The following GFM2 variants were observed in gnomAD, a reference collection of about 807,000 sequenced individuals.
GFM2 encodes the protein ribosome-releasing factor 2, mitochondrial.
GFM2 carries 72 observed loss-of-function variants against 95.4 expected under a neutral mutation model. The observed-to-expected ratio is 0.76, with a 90% CI of 0.62 to 0.92. The LOEUF is 0.92. Among genes scored for constraint, GFM2 ranks in the 40% least tolerant of loss-of-function variants. The pLI is 0.00. For synonymous variants in GFM2, 276 were observed against 317.5 expected, an observed-to-expected ratio of 0.87 and a Z score of 1.39; for missense variants, 825 against 924.1, an observed-to-expected ratio of 0.89 and a Z score of 1.39.
At chr5:74,744,723 C>T (rs1255802190) in intron 10 of GFM2, among the ~76,000 whole-genome samples, 1 of 152,124 alleles carries the variant, frequency 6.6e-6, no homozygotes, top group African/African-American at 2.4e-5. Flanking sequence ...AATGCTACTC[C>T]TTAGTTTAAT....
intron 5 of GFM2, among the ~76,000 whole-genome samples, chr5:74,756,315 G>A (rs950247021): frequency 3.3e-5 from 5 of 151,958 alleles, no homozygotes; most frequent in African/African-American, 1.2e-4. Flanking sequence ...CTTTGAAAAT[G>A]CACATCAAAA....
chr5:74,756,497 T>C lies in GFM2; in HGVS notation c.304+2352A>G, dbSNP rs183570139. 2.2e-4 allele frequency among the ~76,000 whole-genome samples: 34 copies of C among 152,284 alleles called. No homozygotes were observed. The East Asian group carries it at 6.0e-3, about 27-fold the overall frequency. On this transcript the variant is annotated intron_variant, in intron 5 of 20. Coordinates refer to ENST00000296805, the MANE Select transcript of GFM2 (RefSeq NM_032380.5). Reference sequence around the variant, plus strand: ...ATTGTGATGTTATAAACATGCGTGGTCAAGTATCTTTTTCGTATAATTATT... The same window carrying C: ...ATTGTGATGTTATAAACATGCGTGGCCAAGTATCTTTTTCGTATAATTATT...
chr5:74,722,203 C>T (rs1158877345), intron 20 of GFM2, 176 bp downstream of exon 20: 9 of 611,708 alleles, frequency 1.5e-5, no homozygotes, highest in Middle Eastern at 4.4e-4. Flanking sequence ...CCCTGGATTT[C>T]GCCAACAATT....
Position 74,736,969 on chromosome 5 carries a change from G to A in GFM2, c.1337C>T (p.Thr446Ile). The A allele has an allele frequency of 6.2e-7, 1 of 1,613,358 alleles. No homozygotes were observed. Among genetic ancestry groups the A allele is most frequent in the East Asian group, 2.2e-5 (1 of 44,866 alleles). ...VGLKHTATGD[T>I]IVSSKSSALA... is the part of the protein sequence containing the mutation. ...TGCACTGGACTTGGATGAGACAATG[G>A]TGTCTCCAGTGGCAGTCTGCAAGCA... The change falls in exon 15 of 21, where the codon ACC becomes ATC. Residue 446 changes from threonine to isoleucine, a missense_variant. Thr to Ile is a moderately conservative substitution (Grantham distance 89). Coordinates refer to ENST00000296805, the MANE Select transcript of GFM2 (RefSeq NM_032380.5).
intron 9 of GFM2, 123 bp downstream of exon 9, chr5:74,745,982 G>C: frequency 9.4e-7 from 1 of 1,059,566 alleles, no homozygotes; most frequent in Non-Finnish European, 1.4e-6. Context: ...TATAATCTGT[G>C]GCTATTTCTA....
intron 14 of GFM2, among the ~76,000 whole-genome samples, chr5:74,737,830 T>C (rs1282684772): frequency 1.3e-5 from 2 of 152,182 alleles, no homozygotes; most frequent in Admixed American, 1.3e-4. Context: ...CCTACAATTA[T>C]CTATGGAGTG....
At chr5:74,762,787 G>C (rs750378122) in intron 2 of GFM2, among the ~76,000 whole-genome samples, 19 of 152,182 alleles carry the variant, frequency 1.2e-4, no homozygotes, top group Admixed American at 3.3e-4. Context: ...CTGGGCAAAG[G>C]AATGACTCAC....
At chr5:74,745,336 C>T (rs1743325001) in intron 10 of GFM2, among the ~76,000 whole-genome samples, 1 of 152,094 alleles carries the variant, frequency 6.6e-6, no homozygotes, top group South Asian at 2.1e-4. Context: ...CAGAGCAAGA[C>T]TCCATCTCAA....
chr5:74,754,944 A>C (rs2112339247), intron 5 of GFM2, among the ~76,000 whole-genome samples: 1 of 152,048 alleles, frequency 6.6e-6, no homozygotes, highest in South Asian at 2.1e-4. Context: ...AAAAATACAA[A>C]AATTAGCCGG....
In GFM2 at chr5:74,760,875, A is replaced by G. The variant is rs751575068; in HGVS notation, c.148+27T>C. The G allele has an allele frequency of 3.6e-6, 5 of 1,405,262 alleles. No individual in the cohort carries two copies. In the South Asian group the frequency reaches 6.1e-5, roughly 17 times the overall value. The allele number at this position is 1,405,262 out of a possible 1,614,324, so 87.0% of individuals were successfully genotyped here. A position where few individuals can be genotyped will look rare whatever the true frequency, so the allele number is the denominator to read the frequency against. On this transcript the variant is annotated intron_variant, in intron 3 of 20. Transcript: ENST00000296805. ...AAGAGATAAAGCAAACAGCTTAGAT[A>G]AAATTAGAAGACTCTAACATTTGTA...
At chr5:74,744,170 C>G (rs1743249972) in intron 10 of GFM2, among the ~76,000 whole-genome samples, 1 of 151,996 alleles carries the variant, frequency 6.6e-6, no homozygotes. Context: ...GCCTATTACT[C>G]CTAGGCTACA....
chr5:74,754,523 C>T (rs532327858), intron 5 of GFM2, among the ~76,000 whole-genome samples: 2 of 152,086 alleles, frequency 1.3e-5, no homozygotes, highest in South Asian at 4.2e-4. Flanking sequence ...AAAAAGATAC[C>T]CCATGCTAAC....
intron 15 of GFM2, 182 bp downstream of exon 15, chr5:74,736,614 A>G: frequency 7.0e-7 from 1 of 1,427,122 alleles, no homozygotes; most frequent in Non-Finnish European, 9.1e-7. Context: ...AAGAGAAAAA[A>G]ATGAAGGCAT....
Position 74,741,598 on chromosome 5 carries a change from C to T in GFM2, c.861G>A (p.Leu287=). 1 of 1,571,492 alleles carries T rather than the reference C, an allele frequency of 6.4e-7. No individual in the cohort carries two copies. The highest frequency in any genetic ancestry group is 8.7e-7 in the Non-Finnish European group (1 of 1,146,418). ...RNALIEQVAD[L]DDEFADLVLE... ...AAACCAAGTCAGCAAATTCATCATCCAAATCTGCAACCTATAAAGAAAGGT... is the reference window on the plus strand; with the variant it reads ...AAACCAAGTCAGCAAATTCATCATCTAAATCTGCAACCTATAAAGAAAGGT... The change falls in exon 11 of 21, where the codon TTG becomes TTA. Residue 287 remains leucine (L), a synonymous_variant. Coordinates refer to ENST00000296805, the MANE Select transcript of GFM2 (RefSeq NM_032380.5).
intron 10 of GFM2, 138 bp downstream of exon 10, chr5:74,745,540 C>T: frequency 1.7e-6 from 1 of 600,482 alleles, no homozygotes; most frequent in Non-Finnish European, 2.9e-6. Flanking sequence ...CATTTTATAT[C>T]AGGGACTTGA....
chr5:74,751,333 C>T (rs745950906), intron 6 of GFM2, 35 bp downstream of exon 6: 19 of 1,567,298 alleles, frequency 1.2e-5, no homozygotes, highest in South Asian at 1.2e-4. Flanking sequence ...CTCCAAATGA[C>T]GCAGCATCTC....
At chr5:74,739,572 ATTAC>A (rs1219148483) in intron 12 of GFM2, among the ~76,000 whole-genome samples, 2 of 152,288 alleles carry the variant, frequency 1.3e-5, no homozygotes, top group East Asian at 1.9e-4. Context: ...TAAAGGACTT[ATTAC>A]TTAAGTACAA....
At chr5:74,744,196 T>G (rs796154310) in intron 10 of GFM2, among the ~76,000 whole-genome samples, 1 of 107,944 alleles carries the variant, frequency 9.3e-6, no homozygotes, top group Non-Finnish European at 1.9e-5. Context: ...ATACAGCATG[T>G]TACTGTACTG....
chr5:74,760,556 CTT>C (rs1434084638), intron 3 of GFM2, among the ~76,000 whole-genome samples: 2 of 152,152 alleles, frequency 1.3e-5, no homozygotes, highest in African/African-American at 2.4e-5. Flanking sequence ...GTAAATCTCT[CTT>C]GACAGAAAAC....
Sources: gnomAD v4.1 joint callset for allele counts (sites outside exome capture counted in the v4.1 genomes callset) on GRCh38, gnomAD v4.1.1 for gene constraint, MANE v1.5 for transcripts, NCBI Gene and HGNC (gene_info 2026-07-23, HGNC 2026-07-21) for gene names.